Variants in PZP observed in about 807,000 individuals in gnomAD.
PZP encodes PZP alpha-2-macroglobulin like, also known as pregnancy zone protein.
PZP carries 150 observed loss-of-function variants against 179.8 expected under a neutral mutation model. The observed-to-expected ratio is 0.83, with a 90% CI of 0.73 to 0.96. The LOEUF (loss-of-function observed/expected upper bound fraction) is 0.96, where lower values mean the gene tolerates loss of function less well. PZP is among the 40% of genes least tolerant of loss of function. The pLI, the probability that PZP is intolerant of heterozygous loss-of-function variation, is 0.00. For missense variants in PZP, 1,689 were observed against 1,764.0 expected (o/e 0.96, Z 0.76); for synonymous variants, 624 against 652.3 (o/e 0.96, Z 0.66).
rs1328392949 is a variant in PZP at position 9,165,980 on chromosome 12, C to G, written c.2258+72G>C. 3.3e-6 allele frequency: 5 copies of G among 1,515,716 alleles called. No individual in the cohort carries two copies. In the East Asian group the frequency reaches 1.1e-4, roughly 34 times the overall value. The allele number at this position is 1,515,716 out of a possible 1,614,324, so 93.9% of individuals were successfully genotyped here. On this transcript the variant is annotated intron_variant, in intron 18 of 35. Coordinates refer to ENST00000261336, the MANE Select transcript of PZP (RefSeq NM_002864.3). Reference sequence around the variant, plus strand: ...ATTCAGAACTTTTCAGGAAGATTGTCTTAGAATTGAAAATGTTGGAGGAAC... The same window carrying G: ...ATTCAGAACTTTTCAGGAAGATTGTGTTAGAATTGAAAATGTTGGAGGAAC...
intron 7 of PZP, among the ~76,000 whole-genome samples, chr12:9,198,728 T>C (rs926234436): frequency 6.6e-6 from 1 of 152,184 alleles, no homozygotes; most frequent in Admixed American, 6.5e-5. Context: ...TCTTTCCTAT[T>C]TGCAAATGGC....
At chr12:9,138,812 A>AT in the PZP span, among the ~76,000 whole-genome samples, 2 of 152,160 alleles carry the variant, frequency 1.3e-5, no homozygotes, top group South Asian at 2.1e-4. Context: ...TATTTCTAAA[A>AT]GAGCAGTTAT....
rs1299289400 is a variant in PZP, at chr12:9,202,300, A to G, written c.480+19T>C. ...TCCCACTCTACCCACAACCCAAACC[A>G]CAGATAGTGGATGCTTACCAGTTCA... is the stretch of plus-strand genomic sequence containing the variant. On this transcript the variant is annotated intron_variant, in intron 4 of 35. Coordinates refer to ENST00000261336, the MANE Select transcript of PZP (RefSeq NM_002864.3). The G allele has an allele frequency of 6.2e-7, 1 of 1,605,436 alleles. No individual in the cohort carries two copies. Among genetic ancestry groups the G allele is most frequent in the South Asian group, 1.1e-5 (1 of 90,890 alleles).
chr12:9,180,497 A>G (rs755668644), intron 15 of PZP, among the ~76,000 whole-genome samples: 4 of 152,234 alleles, frequency 2.6e-5, no homozygotes, highest in Admixed American at 2.0e-4. Context: ...ATAACTCTGC[A>G]TATCTACAAC....
chr12:9,168,808 A>G (rs1249958978), intron 17 of PZP, 61 bp downstream of exon 17: 17 of 1,279,368 alleles, frequency 1.3e-5, no homozygotes, highest in Non-Finnish European at 1.9e-5. Context: ...TCATTTTAGC[A>G]TTTTGGGCAT....
rs148124315 is a variant in PZP at position 9,150,673 on chromosome 12, A to G, written c.4355T>C (p.Ile1452Thr). 245 of 1,611,498 alleles carry G rather than the reference A, an allele frequency of 1.5e-4. No homozygotes were observed. In the African/African-American group the frequency reaches 2.7e-3, roughly 18 times the overall value. ...CTCATAGTAATCATAGACTTTAACA[A>G]TTGCTGGCTTCAAGTCTCCTACTGG... ...DIPVGDLKPA[I>T]VKVYDYYETD... Residue 1452 changes from isoleucine (I) to threonine (T), a missense_variant, in exon 34 of 36, where the codon ATT becomes ACT. Ile to Thr is a moderately conservative substitution (Grantham distance 89). Around this residue, in one of 3 missense-constraint regions of PZP, gnomAD observed 746 missense variants for 749.2 expected, o/e 1.00. Coordinates refer to ENST00000261336, the MANE Select transcript of PZP (RefSeq NM_002864.3).
intron 7 of PZP, among the ~76,000 whole-genome samples, chr12:9,199,685 C>T (rs1944039699): frequency 6.6e-6 from 1 of 151,974 alleles, no homozygotes; most frequent in South Asian, 2.1e-4. Flanking sequence ...TTTTAAACCT[C>T]TAAGATATTT....
intron 7 of PZP, among the ~76,000 whole-genome samples, chr12:9,198,760 AAGAT>A (rs1337653652): frequency 6.6e-6 from 1 of 152,222 alleles, no homozygotes; most frequent in East Asian, 1.9e-4. Flanking sequence ...TTCAAATAAA[AAGAT>A]AGAATCAAAG....
rs1436396065 is a variant in PZP at position 9,202,543 on chromosome 12, A to G, written c.409T>C (p.Tyr137His). Residue 137 changes from tyrosine to histidine, a missense_variant, in exon 3 of 36, where the codon TAT (tyrosine) becomes CAT (histidine). Physicochemically the swap from Tyr to His is moderately conservative, Grantham distance 83 (BLOSUM62 2). Transcript: ENST00000261336. ...LVFVQTDKPM[Y>H]KPGQTVRFRV... is the part of the protein sequence containing the mutation. ...TACTTACCTGTCTGTCCTGGTTTAT[A>G]CATGGGTTTGTCTGTCTGGACAAAG... 3 of 1,614,036 alleles carry G rather than the reference A, an allele frequency of 1.9e-6. No individual in the cohort carries two copies. The highest frequency in any genetic ancestry group is 3.3e-5 in the Admixed American group (2 of 60,002).
intron 7 of PZP, among the ~76,000 whole-genome samples, chr12:9,198,460 T>C (rs1355395363): frequency 6.6e-6 from 1 of 152,096 alleles, no homozygotes; most frequent in African/African-American, 2.4e-5. Flanking sequence ...AGATGATGAA[T>C]TGAATAAAAA....
At chr12:9,136,479 T>A in the PZP span, among the ~76,000 whole-genome samples, 1 of 152,212 alleles carries the variant, frequency 6.6e-6, no homozygotes, top group African/African-American at 2.4e-5. Flanking sequence ...AAATTGTTTC[T>A]TATCTTGGCA....
rs769815733 is a variant in PZP at position 9,201,074 on chromosome 12, A to G, written c.502-14T>C. 7.4e-6 allele frequency: 12 copies of G among 1,613,536 alleles called. No individual in the cohort carries two copies. The highest frequency in any genetic ancestry group is 1.7e-5 in the Admixed American group (1 of 59,992). ...TCTTCTTGGGTTCTGAAGGGAAACA[A>G]GAAACATGGGCGGTAATCATTTAGT... is the stretch of plus-strand genomic sequence containing the variant. On this transcript the variant is annotated splice_polypyrimidine_tract_variant and intron_variant, in intron 5 of 35. Transcript: ENST00000261336.
At chr12:9,190,207 A>T (rs907405704) in intron 13 of PZP, among the ~76,000 whole-genome samples, 1 of 152,116 alleles carries the variant, frequency 6.6e-6, no homozygotes, top group African/African-American at 2.4e-5. Context: ...GTTCATTGCA[A>T]CCCTGTTGCA....
At position 9,158,475 on chromosome 12, in the gene PZP, T is replaced by C. The variant is rs1940923999; in HGVS notation, c.3239A>G (p.Gln1080Arg). ...GCTCCTGAAACAGCCATTGTCCTTC[T>C]GCATCTGGGAGAGCCACGTGAGAGA... is the stretch of plus-strand genomic sequence containing the variant. Reference protein sequence around the residue: ...TQSLTWLSQMQKDNGCFRSSG... With the variant: ...TQSLTWLSQMRKDNGCFRSSG... Residue 1080 changes from glutamine to arginine, a missense_variant, in exon 26 of 36, where the codon CAG (glutamine) becomes CGG (arginine). Gln to Arg is a conservative substitution (Grantham distance 43). Coordinates refer to ENST00000261336, the MANE Select transcript of PZP (RefSeq NM_002864.3). 4 of 1,614,184 alleles carry C rather than the reference T, an allele frequency of 2.5e-6. No individual in the cohort carries two copies. In the East Asian group the frequency reaches 8.9e-5, roughly 36 times the overall value.
intron 13 of PZP, among the ~76,000 whole-genome samples, chr12:9,190,081 T>C (rs758157098): frequency 3.3e-5 from 5 of 152,166 alleles, no homozygotes; most frequent in Non-Finnish European, 5.9e-5. Context: ...GAAAGCAGTG[T>C]GGCGATTCCT....
chr12:9,153,377 G>C lies in PZP; in HGVS notation c.3775-34C>G, dbSNP rs764833215. ...GACGAGTGGACAACCGCCCCAAAGA[G>C]TAAATTTTTGGCATCTGGGATTTTC... On this transcript the variant is annotated intron_variant, in intron 29 of 35. Transcript: ENST00000261336. 5 of 1,565,080 alleles carry C rather than the reference G, an allele frequency of 3.2e-6. No homozygotes were observed. The East Asian group carries it at 1.1e-4, about 35-fold the overall frequency.
chr12:9,171,734 G>C (rs1224408295), intron 15 of PZP, among the ~76,000 whole-genome samples: 1 of 152,178 alleles, frequency 6.6e-6, no homozygotes, highest in Non-Finnish European at 1.5e-5. Flanking sequence ...GAGGAGGAAA[G>C]AATCTCAGAG....
chr12:9,161,574 G>A (rs951342247), intron 22 of PZP, among the ~76,000 whole-genome samples: 3 of 152,014 alleles, frequency 2.0e-5, no homozygotes, highest in Non-Finnish European at 2.9e-5. Context: ...GGGAACTATC[G>A]CTCTCCACTT....
intron 29 of PZP, 152 bp downstream of exon 29, chr12:9,154,464 T>C: frequency 1.3e-6 from 1 of 786,506 alleles, no homozygotes; most frequent in Middle Eastern, 3.4e-4. Context: ...ATGTCTTAAG[T>C]CTTTCCTTTA....
Sources: allele counts gnomAD v4.1 joint callset (sites outside exome capture counted in the v4.1 genomes callset), GRCh38; gene constraint gnomAD v4.1.1; regional missense constraint gnomAD v4.1.1; transcripts MANE v1.5; gene names NCBI Gene and HGNC (gene_info 2026-07-23, HGNC 2026-07-21).